RIF1: variants seen among roughly 807,000 people sequenced by gnomAD.
RIF1 encodes replication timing regulatory factor 1, also known as telomere-associated protein RIF1.
Under a neutral mutation model 247.1 loss-of-function variants are expected in RIF1, and 45 were observed. That is an observed-to-expected ratio of 0.18 (90% CI 0.14 to 0.23). The LOEUF is 0.23. Among genes scored for constraint, RIF1 ranks in the 10% least tolerant of loss-of-function variants. RIF1 has a pLI of 1.00. For missense variants in RIF1, 2,967 were observed against 2,862.5 expected (o/e 1.04, Z -0.83); for synonymous variants, 1,087 against 978.8 (o/e 1.11, Z -2.06).
At chr2:151,504,720 G>C (rs2067418209) in intron 12 of RIF1, among the ~76,000 whole-genome samples, 1 of 152,190 alleles carries the variant, frequency 6.6e-6, no homozygotes, top group Admixed American at 6.5e-5. Context: ...CACCTGCCTA[G>C]AATCTGCGTA....
chr2:151,451,164 A>C (rs1694252481), intron 20 of RIF1, among the ~76,000 whole-genome samples: 1 of 152,212 alleles, frequency 6.6e-6, no homozygotes, highest in African/African-American at 2.4e-5. Context: ...ACAGACCGCA[A>C]ATCTAGTGCT....
chr2:151,469,928 G>A lies in RIF1; in HGVS notation c.7095+64G>A, dbSNP rs1356769976. Reference sequence around the variant, plus strand: ...ATGATGTAGCAGTACAGTTACAGAAGTTTGTTAAAAGATCACTTCATAATG... The same window carrying A: ...ATGATGTAGCAGTACAGTTACAGAAATTTGTTAAAAGATCACTTCATAATG... On this transcript the variant is annotated intron_variant, in intron 34 of 35. Coordinates refer to ENST00000444746, the MANE Select transcript of RIF1 (RefSeq NM_018151.5). 4.8e-6 allele frequency: 6 copies of A among 1,260,604 alleles called. No homozygotes were observed. In the East Asian group the frequency reaches 1.5e-4, roughly 31 times the overall value. 78.1% of individuals were successfully genotyped at this position (1,260,604 alleles called of 1,614,324 possible). A position where few individuals can be genotyped will look rare whatever the true frequency, so the allele number is the denominator to read the frequency against.
At chr2:151,423,918 C>G (rs1056408438) in intron 8 of RIF1, among the ~76,000 whole-genome samples, 10 of 152,116 alleles carry the variant, frequency 6.6e-5, no homozygotes, top group Non-Finnish European at 8.8e-5. Context: ...TGTGCATCAT[C>G]CCTAACAAAA....
At chr2:151,498,208 C>G in intron 10 of RIF1, 2 of 1,549,262 alleles carry the variant, frequency 1.3e-6, no homozygotes, top group Non-Finnish European at 1.7e-6. Context: ...ATGTAAAGAT[C>G]AGTTTAATTC....
chr2:151,415,008 A>C (rs893938538), intron 4 of RIF1, 89 bp downstream of exon 4: 5 of 796,844 alleles, frequency 6.3e-6, no homozygotes, highest in Non-Finnish European at 1.0e-5. Context: ...AAGTACTGTT[A>C]TGTCTGGATT....
chr2:151,490,393 C>T lies in RIF1; in HGVS notation c.*416-4836C>T. 6.3e-7 allele frequency: 1 copy of T among 1,591,858 alleles called. No individual in the cohort carries two copies. Among genetic ancestry groups the T allele is most frequent in the South Asian group, 1.1e-5 (1 of 87,436 alleles). On this transcript the variant is annotated intron_variant and NMD_transcript_variant, in intron 9 of 13. Coordinates refer to the RIF1 transcript ENST00000454583. Reference sequence around the variant, plus strand: ...GTACCTGTTGAGACTGCAAAGACACCCCCGTCGCTGTAAGTCGAAAGGTGG... The same window carrying T: ...GTACCTGTTGAGACTGCAAAGACACTCCCGTCGCTGTAAGTCGAAAGGTGG...
the RIF1 span, chr2:151,533,539 T>C: frequency 1.3e-6 from 2 of 1,549,290 alleles, no homozygotes; most frequent in Middle Eastern, 1.7e-4. Context: ...ACTAGATTTA[T>C]ATTTTCTCTG....
the RIF1 span, among the ~76,000 whole-genome samples, chr2:151,532,752 T>C: frequency 6.6e-6 from 1 of 152,106 alleles, no homozygotes; most frequent in African/African-American, 2.4e-5. Context: ...TTAACTTTTT[T>C]TTTTTGGTCT....
At chr2:151,438,339 G>C (rs1285974369) in intron 13 of RIF1, among the ~76,000 whole-genome samples, 5 of 152,096 alleles carry the variant, frequency 3.3e-5, no homozygotes, top group African/African-American at 4.8e-5. Context: ...TTAGATGGGT[G>C]TAGTGGTGTG....
chr2:151,516,339 T>C, the RIF1 span: 2 of 619,810 alleles, frequency 3.2e-6, no homozygotes, highest in Admixed American at 3.1e-5. Context: ...AGTGATCACA[T>C]GATAAAAAGT....
At chr2:151,521,980 T>C in the RIF1 span, among the ~76,000 whole-genome samples, 1 of 152,290 alleles carries the variant, frequency 6.6e-6, no homozygotes, top group Admixed American at 6.5e-5. Context: ...GTAGTAAAAC[T>C]ACATACACTT....
At chr2:151,439,965 C>G (rs1691965811) in intron 14 of RIF1, 62 bp from the exon 15 acceptor site, 1 of 621,250 alleles carries the variant, frequency 1.6e-6, no homozygotes. Context: ...AGAGCAAGAC[C>G]CTGTCTCAAA....
At chr2:151,498,442 A>AAG in intron 10 of RIF1, 1 of 861,764 alleles carries the variant, frequency 1.2e-6, no homozygotes, top group Non-Finnish European at 1.8e-6. Flanking sequence ...GGAAGGGAGG[A>AAG]AGAGAGTAAG....
the RIF1 span, among the ~76,000 whole-genome samples, chr2:151,526,625 T>C: frequency 2.0e-5 from 3 of 152,160 alleles, no homozygotes; most frequent in Admixed American, 6.5e-5. Flanking sequence ...AAACAAATCA[T>C]GGCGTTTCCA....
rs1003955402 is a variant in RIF1 at position 151,475,808 on chromosome 2, ATTC to A, written c.*740_*742del. 2 of 152,636 alleles carry A rather than the reference ATTC, an allele frequency of 1.3e-5. No individual in the cohort carries two copies. The highest frequency in any genetic ancestry group is 4.8e-5 in the African/African-American group (2 of 41,454). The allele number at this position is 152,636 out of a possible 1,614,324, so 9.5% of individuals were successfully genotyped here. On this transcript the variant is annotated 3_prime_UTR_variant, in exon 36 of 36. Coordinates refer to ENST00000444746, the MANE Select transcript of RIF1 (RefSeq NM_018151.5). ...ACAATGTTTTTAATTTATAAATTTC[ATTC>A]TTTGTTAATTGCATGGGTTTTTCTG...
At chr2:151,497,797 A>G in intron 10 of RIF1, 1 of 1,539,990 alleles carries the variant, frequency 6.5e-7, no homozygotes, top group Non-Finnish European at 8.7e-7. Context: ...ATGAGGAAAA[A>G]ACACAGTCAT....
rs1053054557 is a variant in RIF1, at chr2:151,441,935, C to T, written c.1678C>T (p.Pro560Ser). The T allele has an allele frequency of 1.3e-6, 2 of 1,565,474 alleles. No individual in the cohort carries two copies. Among genetic ancestry groups the T allele is most frequent in the South Asian group, 1.2e-5 (1 of 85,738 alleles). ...CATGGAAATTACAATTAAAGGACTT[C>T]CTCAGAAAGTATTAGGTTCACCAGC... is the stretch of plus-strand genomic sequence containing the variant. ...VLMEITIKGL[P>S]QKVLGSPAYQ... The change falls in exon 16 of 36, where the codon CCT becomes TCT. Residue 560 changes from proline (P) to serine (S), a missense_variant. By Grantham distance (74) the Pro-to-Ser change is moderately conservative. Around this residue, in one of 7 missense-constraint regions of RIF1, gnomAD observed 369 missense variants for 322.0 expected, o/e 1.15. Coordinates refer to ENST00000444746, the MANE Select transcript of RIF1 (RefSeq NM_018151.5).
At chr2:151,494,300 A>G in intron 9 of RIF1, 1 of 1,297,284 alleles carries the variant, frequency 7.7e-7, no homozygotes, top group Non-Finnish European at 1.1e-6. Flanking sequence ...AAAAGAGTTA[A>G]CAGTTACCAA....
chr2:151,416,235 C>T (rs920079752), intron 4 of RIF1, among the ~76,000 whole-genome samples: 1 of 152,194 alleles, frequency 6.6e-6, no homozygotes, highest in South Asian at 2.1e-4. Context: ...AGGAGTTGTT[C>T]ATTTTGGAGC....
Sources: gnomAD v4.1 joint callset for allele counts (sites outside exome capture counted in the v4.1 genomes callset) on GRCh38, gnomAD v4.1.1 for gene constraint, gnomAD v4.1.1 regional missense constraint, MANE v1.5 for transcripts, NCBI Gene and HGNC (gene_info 2026-07-23, HGNC 2026-07-21) for gene names.